Variants in RELL2 observed in about 807,000 individuals in gnomAD.
RELL2 encodes RELT-like protein 2.
Under a neutral mutation model 27.5 loss-of-function variants are expected in RELL2, and 18 were observed. The ratio of observed to expected loss-of-function variants is 0.65; its 90% confidence interval spans 0.45 to 0.97. The LOEUF is 0.97. RELL2 is among the 50% of genes least tolerant of loss of function. RELL2 has a pLI of 0.00. For synonymous variants in RELL2, 156 were observed against 147.5 expected, an observed-to-expected ratio of 1.06 and a Z score of -0.42; for missense variants, 370 against 397.5, an observed-to-expected ratio of 0.93 and a Z score of 0.59.
chr5:141,640,976 GC>G lies in RELL2; in HGVS notation c.*312del. 2.2e-6 allele frequency: 1 copy of G among 457,358 alleles called. No homozygotes were observed. Among genetic ancestry groups the G allele is most frequent in the South Asian group, 4.9e-5 (1 of 20,594 alleles). 28.3% of individuals were successfully genotyped at this position (457,358 alleles called of 1,614,324 possible). On this transcript the variant is annotated 3_prime_UTR_variant, in exon 7 of 7. Transcript: ENST00000297164. Reference sequence around the variant, plus strand: ...GGCCCCTAAAGCAATAGCACCGTAGGCCCCCTGCCCTCTTAGCACAAGAGGC... The same window carrying G: ...GGCCCCTAAAGCAATAGCACCGTAGGCCCCTGCCCTCTTAGCACAAGAGGC...
At position 141,640,164 on chromosome 5, in the gene RELL2, C is replaced by G. The variant is rs770859414; in HGVS notation, c.748C>G (p.Arg250Gly). ...ACTCAGGGACAGCAGCCTAACCCCT[C>G]GTGCACTTGAAGGGAACCCCAGAGC... ...GGLRDSSLTP[R>G]ALEGNPRASA... The change falls in exon 5 of 7, where the codon CGT becomes GGT. Residue 250 changes from arginine to glycine, a missense_variant. Transcript: ENST00000297164. 1 of 1,614,022 alleles carries G rather than the reference C, an allele frequency of 6.2e-7. No homozygotes were observed. Among genetic ancestry groups the G allele is most frequent in the Admixed American group, 1.7e-5 (1 of 60,004 alleles).
Position 141,638,217 on chromosome 5 carries a change from C to A in RELL2, c.-9C>A, listed in dbSNP as rs756362183. ...GGCGCCCTGGCCCGCGCTCGCCCCC[C>A]AGGGCCTCATGTCGGAACCACAGCC... On this transcript the variant is annotated 5_prime_UTR_variant, in exon 1 of 7. Transcript: ENST00000297164. 3 of 1,608,044 alleles carry A rather than the reference C, an allele frequency of 1.9e-6. No individual in the cohort carries two copies. Among genetic ancestry groups the A allele is most frequent in the South Asian group, 2.2e-5 (2 of 90,252 alleles).
In RELL2 at chr5:141,639,374, G is replaced by A. The variant is rs1402428697; in HGVS notation, c.318-90G>A. On this transcript the variant is annotated intron_variant, in intron 3 of 6. Coordinates refer to ENST00000297164, the MANE Select transcript of RELL2 (RefSeq NM_173828.5). This position sits in a 1 kb window ranked among gnomAD's most constrained non-coding sequence, Gnocchi z 4.4. Reference sequence around the variant, plus strand: ...GCTTGGGGAAATTGGGGCTTCTGGGGTTTTAAGGAGCATGCTGAAAGAACG... The same window carrying A: ...GCTTGGGGAAATTGGGGCTTCTGGGATTTTAAGGAGCATGCTGAAAGAACG... 1.2e-5 allele frequency: 13 copies of A among 1,125,586 alleles called. No individual in the cohort carries two copies. Among genetic ancestry groups the A allele is most frequent in the South Asian group, 7.9e-5 (5 of 63,268 alleles). The allele number at this position is 1,125,586 out of a possible 1,614,324, so 69.7% of individuals were successfully genotyped here. A position where few individuals can be genotyped will look rare whatever the true frequency, so the allele number is the denominator to read the frequency against.
Position 141,639,638 on chromosome 5 carries a change from C to A in RELL2, c.492C>A (p.Phe164Leu), listed in dbSNP as rs1333622066. ...CCCGGACAGGGGAGACCACTGTGTT[C>A]TCTGTGGGCAGGTGGGGCAGGTGCT... The part of the protein sequence containing the change: ...SRPRTGETTV[F>L]SVGRFRVTHI... The change falls in exon 4 of 7, where the codon TTC becomes TTA. Residue 164 changes from phenylalanine to leucine, a missense_variant. Transcript: ENST00000297164. The surrounding 1 kb of genome is among the most constrained non-coding windows in gnomAD (Gnocchi z 4.4). 1 of 1,604,188 alleles carries A rather than the reference C, an allele frequency of 6.2e-7. No homozygotes were observed. Among genetic ancestry groups the A allele is most frequent in the East Asian group, 2.2e-5 (1 of 44,718 alleles).
chr5:141,638,270 A>G lies in RELL2; in HGVS notation c.45A>G (p.Leu15=). 1.2e-6 allele frequency: 2 copies of G among 1,613,916 alleles called. No individual in the cohort carries two copies. The highest frequency in any genetic ancestry group is 2.2e-5 in the South Asian group (2 of 91,070). The change falls in exon 1 of 7, where the codon CTA becomes CTG. Residue 15 remains leucine, a synonymous_variant. Coordinates refer to ENST00000297164, the MANE Select transcript of RELL2 (RefSeq NM_173828.5). ...QPDLEPPQHG[L]YMLFLLVLVF... ...ACCTGGAACCGCCCCAACATGGGCTATATATGCTCTTCCTGCTTGTGCTGG... is the reference window on the plus strand; with the variant it reads ...ACCTGGAACCGCCCCAACATGGGCTGTATATGCTCTTCCTGCTTGTGCTGG...
Position 141,639,224 on chromosome 5 carries a change from TCACCTCTAGTGC to T in RELL2, c.317+207_317+218del. On this transcript the variant is annotated intron_variant, in intron 3 of 6. Transcript: ENST00000297164. The surrounding 1 kb of genome is among the most constrained non-coding windows in gnomAD (Gnocchi z 4.4). ...ATCTAGATATCATCAAGCCTAACAT[TCACCTCTAGTGC>T]CACTCCTTTGGGTTAAGCAGTGTTC... 1.6e-6 allele frequency: 1 copy of T among 614,844 alleles called. No homozygotes were observed. The highest frequency in any genetic ancestry group is 2.8e-6 in the Non-Finnish European group (1 of 351,110). The allele number at this position is 614,844 out of a possible 1,614,324, so 38.1% of individuals were successfully genotyped here.
rs991976729 is a variant in RELL2, at chr5:141,639,730, G to A, written c.503+81G>A. 96 of 1,419,104 alleles carry A rather than the reference G, an allele frequency of 6.8e-5. No individual in the cohort carries two copies. Among genetic ancestry groups the A allele is most frequent in the Non-Finnish European group, 9.1e-5 (94 of 1,037,394 alleles). The allele number at this position is 1,419,104 out of a possible 1,614,324, so 87.9% of individuals were successfully genotyped here. A position where few individuals can be genotyped will look rare whatever the true frequency, so the allele number is the denominator to read the frequency against. Reference sequence around the variant, plus strand: ...CACCTGATCCCAAAAGTGGGCCTTGGCTCTTTCCTCCTGGACTGGGAGCTC... The same window carrying A: ...CACCTGATCCCAAAAGTGGGCCTTGACTCTTTCCTCCTGGACTGGGAGCTC... On this transcript the variant is annotated intron_variant, in intron 4 of 6. Transcript: ENST00000297164. This position sits in a 1 kb window ranked among gnomAD's most constrained non-coding sequence, Gnocchi z 4.4.
intron 1 of RELL2, 99 bp downstream of exon 1, chr5:141,638,508 A>C: frequency 1.7e-6 from 2 of 1,166,818 alleles, no homozygotes; most frequent in Non-Finnish European, 2.4e-6. Context: ...TCCTGATCAA[A>C]CCTGCTCAGG....
intron 6 of RELL2, 87 bp downstream of exon 6, chr5:141,640,532 C>A (rs144355880): frequency 4.4e-6 from 7 of 1,604,462 alleles, no homozygotes; most frequent in South Asian, 2.2e-5. Context: ...CCTGAACCCC[C>A]CGAGTAAACT....
In RELL2 at chr5:141,639,449, C is replaced by A; in HGVS notation, c.318-15C>A. The A allele has an allele frequency of 1.3e-6, 2 of 1,588,706 alleles. No individual in the cohort carries two copies. Among genetic ancestry groups the A allele is most frequent in the Non-Finnish European group, 1.7e-6 (2 of 1,164,502 alleles). ...TGGAAATGTTACCCTCACTCCCCTCCTCCCTGCTGTCCAGTGTGGATGCCA... is the reference window on the plus strand; with the variant it reads ...TGGAAATGTTACCCTCACTCCCCTCATCCCTGCTGTCCAGTGTGGATGCCA... On this transcript the variant is annotated splice_polypyrimidine_tract_variant and intron_variant, in intron 3 of 6. Coordinates refer to ENST00000297164, the MANE Select transcript of RELL2 (RefSeq NM_173828.5). This position sits in a 1 kb window ranked among gnomAD's most constrained non-coding sequence, Gnocchi z 4.4.
rs1562381189 is a variant in RELL2, at chr5:141,640,312, GGGACT to G, written c.879+19_879+23del. The G allele has an allele frequency of 1.2e-6, 2 of 1,613,742 alleles. No homozygotes were observed. Among genetic ancestry groups the G allele is most frequent in the African/African-American group, 2.7e-5 (2 of 75,038 alleles). ...GATCACCAGGTAGGAAAACACAGCC[GGGACT>G]GCACTGGGCTGGGCTCTTATTGCTC... On this transcript the variant is annotated intron_variant, in intron 5 of 6. Transcript: ENST00000297164.
Position 141,637,992 on chromosome 5 carries a change from CA to C in RELL2, c.-233del. ...GCTCGGGGCGTCGGGGAAGCGGGAC[CA>C]GGGTCGTGGTAGAGAGCTTGCGTTG... On this transcript the variant is annotated 5_prime_UTR_variant, in exon 1 of 7. It removes the in-frame stop codon of an upstream open reading frame in the 5' UTR. Transcript: ENST00000297164. 1 of 481,134 alleles carries C rather than the reference CA, an allele frequency of 2.1e-6. No individual in the cohort carries two copies. The highest frequency in any genetic ancestry group is 3.7e-6 in the Non-Finnish European group (1 of 269,686). The allele number at this position is 481,134 out of a possible 1,614,324, so 29.8% of individuals were successfully genotyped here.
At position 141,639,253 on chromosome 5, in the gene RELL2, G is replaced by C; in HGVS notation, c.318-211G>C. On this transcript the variant is annotated intron_variant, in intron 3 of 6. Transcript: ENST00000297164. This position sits in a 1 kb window ranked among gnomAD's most constrained non-coding sequence, Gnocchi z 4.4. ...CTCTAGTGCCACTCCTTTGGGTTAA[G>C]CAGTGTTCTTTTTAGCAAACAGCCC... The C allele has an allele frequency of 1.6e-6, 1 of 608,598 alleles. No homozygotes were observed. The highest frequency in any genetic ancestry group is 3.0e-5 in the Admixed American group (1 of 33,622). The allele number at this position is 608,598 out of a possible 1,614,324, so 37.7% of individuals were successfully genotyped here.
In RELL2 at chr5:141,638,142, G is replaced by T; in HGVS notation, c.-84G>T. 1 of 831,508 alleles carries T rather than the reference G, an allele frequency of 1.2e-6. No individual in the cohort carries two copies. 51.5% of individuals were successfully genotyped at this position (831,508 alleles called of 1,614,324 possible). ...CGTGCTTGTTTCAGATCCTGAGGAC[G>T]GCATTCCTACCCCTCCCCCATTCCC... On this transcript the variant is annotated 5_prime_UTR_variant, in exon 1 of 7. Transcript: ENST00000297164.
chr5:141,639,920 G>A lies in RELL2; in HGVS notation c.504G>A (p.Arg168=). The change falls in exon 5 of 7, where the codon AGG becomes AGA. Residue 168 remains arginine (R), a splice_region_variant and synonymous_variant. Transcript: ENST00000297164. This position sits in a 1 kb window ranked among gnomAD's most constrained non-coding sequence, Gnocchi z 4.4. The part of the protein sequence containing the change: ...TGETTVFSVG[R]FRVTHIEKRY... ...ACCCCAGTGTTCCCTCCCCTCCCAG[G>A]TTCCGGGTGACACACATTGAGAAGC... 1 of 1,613,910 alleles carries A rather than the reference G, an allele frequency of 6.2e-7. No individual in the cohort carries two copies. Among genetic ancestry groups the A allele is most frequent in the Non-Finnish European group, 8.5e-7 (1 of 1,179,992 alleles).
Position 141,640,107 on chromosome 5 carries a change from G to C in RELL2, c.691G>C (p.Val231Leu), listed in dbSNP as rs779178806. 1.2e-6 allele frequency: 2 copies of C among 1,613,848 alleles called. No homozygotes were observed. The highest frequency in any genetic ancestry group is 1.7e-5 in the Admixed American group (1 of 60,012). ...RLPPERPQPQ[V>L]LASPPVQNGG... ...GCCCCCTGAGAGGCCACAGCCCCAG[G>C]TCCTAGCCAGCCCCCCAGTACAGAA... Residue 231 changes from valine to leucine, a missense_variant, in exon 5 of 7, where the codon GTC (valine) becomes CTC (leucine). Transcript: ENST00000297164.
Position 141,638,162 on chromosome 5 carries a change from A to G in RELL2, c.-64A>G. On this transcript the variant is annotated 5_prime_UTR_variant, in exon 1 of 7. Transcript: ENST00000297164. The stretch of plus-strand genomic sequence containing the variant: ...AGGACGGCATTCCTACCCCTCCCCC[A>G]TTCCCAGCTGCAGCCCCCTAAACCC... 1 of 1,096,430 alleles carries G rather than the reference A, an allele frequency of 9.1e-7. No individual in the cohort carries two copies. The highest frequency in any genetic ancestry group is 1.4e-5 in the South Asian group (1 of 70,766). 67.9% of individuals were successfully genotyped at this position (1,096,430 alleles called of 1,614,324 possible). A position where few individuals can be genotyped will look rare whatever the true frequency, so the allele number is the denominator to read the frequency against.
intron 6 of RELL2, 76 bp from the exon 7 acceptor site, chr5:141,640,595 G>A: frequency 3.9e-6 from 6 of 1,544,746 alleles, no homozygotes; most frequent in Non-Finnish European, 5.2e-6. Context: ...AGGTAGGGAA[G>A]GTCCTGGAGC....
In RELL2 at chr5:141,640,400, C is replaced by T; in HGVS notation, c.880-12C>T. 11 of 1,614,180 alleles carry T rather than the reference C, an allele frequency of 6.8e-6. No individual in the cohort carries two copies. The highest frequency in any genetic ancestry group is 9.3e-6 in the Non-Finnish European group (11 of 1,180,018). The stretch of plus-strand genomic sequence containing the variant: ...CTGGTCTCTCATTGTTGACCCCTCC[C>T]CTTTCTCTCAGGTGTCTCTACCACA... On this transcript the variant is annotated splice_polypyrimidine_tract_variant and intron_variant, in intron 5 of 6. Transcript: ENST00000297164.
Sources: gnomAD v4.1 joint callset for allele counts on GRCh38, gnomAD v4.1.1 for gene constraint, Gnocchi (gnomAD v3.1) non-coding constraint, MANE v1.5 for transcripts, NCBI Gene and HGNC (gene_info 2026-07-23, HGNC 2026-07-21) for gene names.